NELL1: variants seen among roughly 807,000 people sequenced by gnomAD.
The protein encoded by NELL1 is neural EGFL like 1.
In NELL1, 76 loss-of-function variants were observed where a neutral mutation model predicts 107.4. The observed-to-expected ratio is 0.71, with a 90% CI of 0.59 to 0.86. The LOEUF (loss-of-function observed/expected upper bound fraction) is 0.86. NELL1 is among the 40% of genes least tolerant of loss of function. The pLI, the probability that NELL1 is intolerant of heterozygous loss-of-function variation, is 0.00. For synonymous variants in NELL1, 353 were observed against 341.2 expected (o/e 1.03, Z -0.38); for missense variants, 1,024 against 1,005.5 (o/e 1.02, Z -0.25).
At chr11:20,679,674 T>G (rs548792269) in intron 2 of NELL1, among the ~76,000 whole-genome samples, 1 of 152,256 alleles carries the variant, frequency 6.6e-6, no homozygotes, top group African/African-American at 2.4e-5. Context: ...GATCTGAGTC[T>G]TAATCCATCA....
chr11:21,003,603 A>G (rs1852270114), intron 12 of NELL1, among the ~76,000 whole-genome samples: 1 of 151,822 alleles, frequency 6.6e-6, no homozygotes, highest in South Asian at 2.1e-4. Flanking sequence ...CCTTCTCTAT[A>G]CTCTGTTTTG....
chr11:21,052,214 G>A (rs1441099109), intron 12 of NELL1, among the ~76,000 whole-genome samples: 1 of 152,080 alleles, frequency 6.6e-6, no homozygotes, highest in Non-Finnish European at 1.5e-5. Flanking sequence ...AAAGTGGGAT[G>A]TGAAGTAGAG....
At chr11:20,977,945 A>G (rs1590490487) in intron 12 of NELL1, among the ~76,000 whole-genome samples, 1 of 152,216 alleles carries the variant, frequency 6.6e-6, no homozygotes, top group Admixed American at 6.5e-5. Context: ...GACTAAGGAA[A>G]GTTGAGAGAC....
chr11:21,504,453 A>G (rs1269475145), intron 15 of NELL1, among the ~76,000 whole-genome samples: 3 of 152,100 alleles, frequency 2.0e-5, no homozygotes, highest in Non-Finnish European at 4.4e-5. Flanking sequence ...TACAAGATCT[A>G]TTTACTCCCC....
chr11:21,165,983 G>T (rs1856473005), intron 13 of NELL1, among the ~76,000 whole-genome samples: 1 of 151,500 alleles, frequency 6.6e-6, no homozygotes, highest in Non-Finnish European at 1.5e-5. Flanking sequence ...TTGAATTCCT[G>T]ACCTCAAGTA....
intron 2 of NELL1, among the ~76,000 whole-genome samples, chr11:20,766,395 A>G (rs2133963329): frequency 6.6e-6 from 1 of 152,358 alleles, no homozygotes; most frequent in Middle Eastern, 3.4e-3. Context: ...TTGGAAAGGA[A>G]AGACACAAGG....
intron 13 of NELL1, among the ~76,000 whole-genome samples, chr11:21,139,314 G>A (rs764287070): frequency 6.6e-6 from 1 of 152,132 alleles, no homozygotes; most frequent in African/African-American, 2.4e-5. Flanking sequence ...CTAACTCAGG[G>A]ACACTTGCTT....
At chr11:20,817,720 G>T (rs1165841863) in intron 3 of NELL1, among the ~76,000 whole-genome samples, 1 of 151,038 alleles carries the variant, frequency 6.6e-6, no homozygotes, top group Non-Finnish European at 1.5e-5. Context: ...TCCTCTAGCT[G>T]TTATGTTAAT....
At chr11:20,974,938 C>A (rs1283966001) in intron 12 of NELL1, among the ~76,000 whole-genome samples, 1 of 152,172 alleles carries the variant, frequency 6.6e-6, no homozygotes, top group Non-Finnish European at 1.5e-5. Context: ...CGACAAATTG[C>A]AACTCATTTT....
intron 13 of NELL1, among the ~76,000 whole-genome samples, chr11:21,124,705 G>A (rs1218392079): frequency 6.6e-6 from 1 of 151,696 alleles, no homozygotes; most frequent in African/African-American, 2.4e-5. Flanking sequence ...GGGTTCAAGC[G>A]ATTCTCCTGC....
intron 3 of NELL1, among the ~76,000 whole-genome samples, chr11:20,812,481 T>G (rs1043861747): frequency 2.6e-5 from 4 of 152,236 alleles, no homozygotes; most frequent in African/African-American, 9.6e-5. Flanking sequence ...ATAGAATGAG[T>G]TTGGAAGAAT....
rs562959782 is a variant in NELL1 at position 21,353,952 on chromosome 11, A to C, written c.1550-16901A>C. ...TCCCAAGATGGCTTTCCCCACATGTATGTGTCTAATAAACCAATGATGTCA... is the reference window on the plus strand; with the variant it reads ...TCCCAAGATGGCTTTCCCCACATGTCTGTGTCTAATAAACCAATGATGTCA... On this transcript the variant is annotated intron_variant, in intron 14 of 19. Transcript: ENST00000357134. 1.2e-4 allele frequency among the ~76,000 whole-genome samples: 18 copies of C among 152,286 alleles called. No individual in the cohort carries two copies. The South Asian group carries it at 3.7e-3, about 32-fold the overall frequency.
chr11:21,091,620 T>TTTA (rs1015453334), intron 12 of NELL1, among the ~76,000 whole-genome samples: 8 of 152,208 alleles, frequency 5.3e-5, no homozygotes, highest in African/African-American at 1.9e-4. Flanking sequence ...CATTGCTGTG[T>TTTA]TTGTTTATCC....
chr11:21,309,223 A>G (rs1336160233), intron 14 of NELL1, among the ~76,000 whole-genome samples: 16 of 144,886 alleles, frequency 1.1e-4, no homozygotes, highest in Non-Finnish European at 4.5e-5. Flanking sequence ...TATGCCTCTT[A>G]AAGCCTATTA....
At chr11:21,385,173 T>C (rs1000235751) in intron 15 of NELL1, among the ~76,000 whole-genome samples, 2 of 151,772 alleles carry the variant, frequency 1.3e-5, no homozygotes, top group Non-Finnish European at 2.9e-5. Context: ...TCTGACACAA[T>C]AGTACTTTTC....
At chr11:21,193,664 T>G (rs1370223606) in intron 13 of NELL1, among the ~76,000 whole-genome samples, 3 of 151,864 alleles carry the variant, frequency 2.0e-5, no homozygotes, top group Non-Finnish European at 4.4e-5. Flanking sequence ...AGTTTTGATT[T>G]GTGATTCTGC....
chr11:21,014,670 T>C (rs1008354108), intron 12 of NELL1, among the ~76,000 whole-genome samples: 1 of 152,146 alleles, frequency 6.6e-6, no homozygotes, highest in African/African-American at 2.4e-5. Context: ...CTATGTTTTA[T>C]ACATATTTGT....
At chr11:21,332,273 G>C (rs11605646) in intron 14 of NELL1, among the ~76,000 whole-genome samples, 37,504 of 151,790 alleles carry the variant, frequency 0.25, 5,068 homozygotes, top group Non-Finnish European at 0.32. Context: ...GATTTCCAAA[G>C]TGTTCTCTGT....
At chr11:21,374,895 G>GTC (rs1172872620) in intron 15 of NELL1, among the ~76,000 whole-genome samples, 1 of 95,324 alleles carries the variant, frequency 1.0e-5, no homozygotes, top group Non-Finnish European at 2.3e-5. Flanking sequence ...GTCTGTGTGT[G>GTC]TGTGTGTGTG....
Sources: gnomAD v4.1 joint callset for allele counts (sites outside exome capture counted in the v4.1 genomes callset) on GRCh38, gnomAD v4.1.1 for gene constraint, MANE v1.5 for transcripts, NCBI Gene and HGNC (gene_info 2026-07-23, HGNC 2026-07-21) for gene names.